Variants in SLC1A1 observed in about 807,000 individuals in gnomAD.
SLC1A1 encodes excitatory amino acid transporter 3.
Under a neutral mutation model 53.3 loss-of-function variants are expected in SLC1A1, and 43 were observed. That is an observed-to-expected ratio of 0.81 (90% CI 0.63 to 1.04). The LOEUF is 1.04. Among genes scored for constraint, SLC1A1 ranks in the 50% least tolerant of loss-of-function variants. SLC1A1 has a pLI of 0.00. For missense variants in SLC1A1, 748 were observed against 664.9 expected, an observed-to-expected ratio of 1.12 and a Z score of -1.37; for synonymous variants, 307 against 243.2, an observed-to-expected ratio of 1.26 and a Z score of -2.44.
At chr9:4,545,007 C>G (rs1237540302) in intron 2 of SLC1A1, among the ~76,000 whole-genome samples, 2 of 152,186 alleles carry the variant, frequency 1.3e-5, no homozygotes, top group South Asian at 2.1e-4. Context: ...GAAACTGCCA[C>G]TATGATTCAA....
intron 1 of SLC1A1, among the ~76,000 whole-genome samples, chr9:4,540,608 G>A (rs369144395): frequency 6.6e-6 from 1 of 152,190 alleles, no homozygotes; most frequent in African/African-American, 2.4e-5. Flanking sequence ...ATGCCCAGAA[G>A]CACTCACCCT....
intron 1 of SLC1A1, among the ~76,000 whole-genome samples, chr9:4,494,217 G>A (rs1820332092): frequency 6.6e-6 from 1 of 152,032 alleles, no homozygotes; most frequent in Non-Finnish European, 1.5e-5. Flanking sequence ...TTTGAATTCT[G>A]GTACTATCAA....
intron 1 of SLC1A1, among the ~76,000 whole-genome samples, chr9:4,528,570 C>T (rs543143784): frequency 1.4e-4 from 21 of 152,108 alleles, no homozygotes; most frequent in East Asian, 3.9e-4. Context: ...AGCAGGACTC[C>T]GTCTCAAAAA....
At chr9:4,574,100 C>G (rs999678466) in intron 8 of SLC1A1, 86 bp downstream of exon 8, 1 of 891,180 alleles carries the variant, frequency 1.1e-6, no homozygotes, top group East Asian at 2.4e-5. Context: ...TTGGTTAAAA[C>G]TGGCTTCTGC....
Position 4,576,623 on chromosome 9 carries a change from C to T in SLC1A1, c.1053C>T (p.Asp351=), listed in dbSNP as rs1338272608. Residue 351 remains aspartate, a synonymous_variant, in exon 10 of 12, where the codon GAC becomes GAT. Coordinates refer to ENST00000262352, the MANE Select transcript of SLC1A1 (RefSeq NM_004170.6). The stretch of plus-strand genomic sequence containing the variant: ...GTGCTGAAGAAAATAACCAGGTGGA[C>T]AAGAGGATCACTCGATTCGTGTTAC... ...FRCAEENNQV[D]KRITRFVLPV... The T allele has an allele frequency of 1.2e-6, 2 of 1,614,142 alleles. No individual in the cohort carries two copies. Among genetic ancestry groups the T allele is most frequent in the Non-Finnish European group, 1.7e-6 (2 of 1,180,008 alleles).
chr9:4,575,410 G>A (rs1820451516), intron 8 of SLC1A1, among the ~76,000 whole-genome samples: 1 of 152,220 alleles, frequency 6.6e-6, no homozygotes, highest in Admixed American at 6.5e-5. Context: ...GGCTGTGGAA[G>A]AGCTGAGACT....
chr9:4,526,280 A>G (rs1249743978), intron 1 of SLC1A1, among the ~76,000 whole-genome samples: 1 of 152,232 alleles, frequency 6.6e-6, no homozygotes, highest in East Asian at 1.9e-4. Context: ...AAAACAAAAT[A>G]GGGAATGTGA....
At chr9:4,550,182 T>C (rs1015687268) in intron 2 of SLC1A1, among the ~76,000 whole-genome samples, 1 of 152,224 alleles carries the variant, frequency 6.6e-6, no homozygotes, top group Non-Finnish European at 1.5e-5. Context: ...TATCAATGAC[T>C]TTCAGTTTCC....
intron 1 of SLC1A1, among the ~76,000 whole-genome samples, chr9:4,500,262 A>G (rs1331674512): frequency 6.6e-6 from 1 of 152,158 alleles, no homozygotes; most frequent in Non-Finnish European, 1.5e-5. Context: ...TAAACTCCCC[A>G]TAGCAGTGTC....
intron 1 of SLC1A1, among the ~76,000 whole-genome samples, chr9:4,512,805 C>T (rs966351297): frequency 6.6e-6 from 1 of 151,842 alleles, no homozygotes; most frequent in Admixed American, 6.6e-5. Flanking sequence ...CACTCTGTCT[C>T]CCAGGTTGGA....
chr9:4,534,689 G>C (rs1387504699), intron 1 of SLC1A1, among the ~76,000 whole-genome samples: 1 of 125,604 alleles, frequency 8.0e-6, no homozygotes, highest in Non-Finnish European at 1.8e-5. Context: ...AGAAAAAGAG[G>C]GAATCCTCCC....
At chr9:4,531,451 A>C (rs1030649506) in intron 1 of SLC1A1, among the ~76,000 whole-genome samples, 2 of 152,104 alleles carry the variant, frequency 1.3e-5, no homozygotes, top group Non-Finnish European at 2.9e-5. Context: ...GCAGAGACTC[A>C]CTCATTGCTA....
At chr9:4,585,126 G>A (rs1414044963) in intron 11 of SLC1A1, among the ~76,000 whole-genome samples, 186 bp from the exon 12 acceptor site, 1 of 152,188 alleles carries the variant, frequency 6.6e-6, no homozygotes, top group Non-Finnish European at 1.5e-5. Flanking sequence ...TACTTTGGGG[G>A]AGCTCATGCT....
intron 11 of SLC1A1, among the ~76,000 whole-genome samples, chr9:4,584,083 A>C (rs929493113): frequency 4.6e-5 from 7 of 152,222 alleles, no homozygotes; most frequent in African/African-American, 1.4e-4. Flanking sequence ...GTATTGCTCC[A>C]CATGGAGCCT....
intron 1 of SLC1A1, among the ~76,000 whole-genome samples, chr9:4,512,099 T>C (rs985183377): frequency 7.2e-5 from 11 of 152,224 alleles, no homozygotes; most frequent in African/African-American, 2.4e-4. Context: ...TGTTCATGGA[T>C]TGGATGACTC....
chr9:4,576,889 TC>T lies in SLC1A1; in HGVS notation c.1193+129del, dbSNP rs1303541603. The T allele has an allele frequency of 7.6e-6, 7 of 921,134 alleles. No individual in the cohort carries two copies. The Admixed American group carries it at 9.4e-5, about 12-fold the overall frequency. 57.1% of individuals were successfully genotyped at this position (921,134 alleles called of 1,614,324 possible). A position where few individuals can be genotyped will look rare whatever the true frequency, so the allele number is the denominator to read the frequency against. ...CTTTTTCTTGATCTATAAAGTCCCT[TC>T]CCAAGATTAAATACGACTATATCCT... On this transcript the variant is annotated intron_variant, in intron 10 of 11. Coordinates refer to ENST00000262352, the MANE Select transcript of SLC1A1 (RefSeq NM_004170.6).
At position 4,583,253 on chromosome 9, in the gene SLC1A1, T is replaced by C; in HGVS notation, c.1328+81T>C. On this transcript the variant is annotated intron_variant, in intron 11 of 11. Coordinates refer to ENST00000262352, the MANE Select transcript of SLC1A1 (RefSeq NM_004170.6). The surrounding 1 kb of genome is among the most constrained non-coding windows in gnomAD (Gnocchi z 4.6). ...TCGCAGGCGCTGCAGTCTGTCATCA[T>C]TCTCTCCTCAGATTGCCTAATGAGC... is the stretch of plus-strand genomic sequence containing the variant. The C allele has an allele frequency of 1.3e-6, 2 of 1,571,372 alleles. No homozygotes were observed. Among genetic ancestry groups the C allele is most frequent in the Non-Finnish European group, 1.8e-6 (2 of 1,142,560 alleles).
intron 6 of SLC1A1, among the ~76,000 whole-genome samples, chr9:4,571,377 T>C (rs186203851): frequency 2.0e-5 from 3 of 152,174 alleles, no homozygotes; most frequent in Admixed American, 1.3e-4. Flanking sequence ...ATGTAAAAGT[T>C]TTTTTAAAAA....
chr9:4,512,443 A>C (rs191739509), intron 1 of SLC1A1, among the ~76,000 whole-genome samples: 12 of 152,208 alleles, frequency 7.9e-5, no homozygotes, highest in Non-Finnish European at 1.6e-4. Context: ...GGGAGATTGA[A>C]GCTGCAGCGA....
Sources: allele counts gnomAD v4.1 joint callset (sites outside exome capture counted in the v4.1 genomes callset), GRCh38; gene constraint gnomAD v4.1.1; non-coding constraint Gnocchi (gnomAD v3.1); transcripts MANE v1.5; gene names NCBI Gene and HGNC (gene_info 2026-07-23, HGNC 2026-07-21).